SEMA3D: variants seen among roughly 807,000 people sequenced by gnomAD.
SEMA3D encodes the protein semaphorin 3D.
In SEMA3D, 84 loss-of-function variants were observed where a neutral mutation model predicts 100.1. The ratio of observed to expected loss-of-function variants is 0.84; its 90% confidence interval spans 0.70 to 1.01. The LOEUF is 1.01. Ranked by LOEUF, SEMA3D falls within the 50% of genes least tolerant of loss-of-function variation. The pLI, the probability that SEMA3D is intolerant of heterozygous loss-of-function variation, is 0.00. For missense variants in SEMA3D, 875 were observed against 934.1 expected, an observed-to-expected ratio of 0.94 and a Z score of 0.82; for synonymous variants, 312 against 320.7, an observed-to-expected ratio of 0.97 and a Z score of 0.29.
the SEMA3D span, among the ~76,000 whole-genome samples, chr7:85,204,558 G>C: frequency 6.6e-6 from 1 of 152,054 alleles, no homozygotes; most frequent in Non-Finnish European, 1.5e-5. Flanking sequence ...TTCAGTGTAG[G>C]ATGATGAGAA....
chr7:85,003,818 A>G (rs1170763394), intron 18 of SEMA3D, among the ~76,000 whole-genome samples: 1 of 152,100 alleles, frequency 6.6e-6, no homozygotes, highest in African/African-American at 2.4e-5. Context: ...ATTTTTTCAT[A>G]TTAAACTGAT....
chr7:85,119,187 C>T (rs1789336007), intron 3 of SEMA3D, among the ~76,000 whole-genome samples: 2 of 152,086 alleles, frequency 1.3e-5, no homozygotes, highest in Non-Finnish European at 2.9e-5. Flanking sequence ...TTAGTTTAAC[C>T]ATTGTGGAAG....
At chr7:85,155,043 A>G (rs2116500893) in intron 1 of SEMA3D, among the ~76,000 whole-genome samples, 1 of 152,228 alleles carries the variant, frequency 6.6e-6, no homozygotes, top group Non-Finnish European at 1.5e-5. Context: ...TTGCATTGCA[A>G]AGTTTTTTCA....
At chr7:85,038,273 A>T (rs1790759467) in intron 11 of SEMA3D, among the ~76,000 whole-genome samples, 1 of 152,212 alleles carries the variant, frequency 6.6e-6, no homozygotes, top group Admixed American at 6.5e-5. Flanking sequence ...AATTATTAAT[A>T]TTCTTGGAAT....
intron 4 of SEMA3D, among the ~76,000 whole-genome samples, chr7:85,085,273 T>G (rs1216783708): frequency 6.6e-6 from 1 of 152,186 alleles, no homozygotes; most frequent in Non-Finnish European, 1.5e-5. Context: ...TCTTTCATAT[T>G]AAGTAAATGA....
the SEMA3D span, among the ~76,000 whole-genome samples, chr7:85,231,094 GT>G: frequency 6.6e-6 from 1 of 152,046 alleles, no homozygotes; most frequent in African/African-American, 2.4e-5. Flanking sequence ...CAGTGTGACT[GT>G]TTTTTGTTTT....
At chr7:85,126,406 T>TC (rs1562828120) in intron 2 of SEMA3D, among the ~76,000 whole-genome samples, 253 of 124,494 alleles carry the variant, frequency 2.0e-3, no homozygotes, top group East Asian at 0.013. Context: ...GTGTGTGTCG[T>TC]GTGTGTGTGT....
rs375639332 is a variant in SEMA3D, at chr7:84,999,735, G to A, written c.2039C>T (p.Thr680Ile). The change falls in exon 19 of 19, where the codon ACT becomes ATT. Residue 680 changes from threonine to isoleucine, a missense_variant. Thr to Ile is a moderately conservative substitution (Grantham distance 89). Coordinates refer to ENST00000284136, the MANE Select transcript of SEMA3D (RefSeq NM_001384900.1). ...CTGTTCATTCTCAATGACATTCAAA[G>A]TCAGCTTCACTATGGTGTGGATGAA... ...HTFIHTIVKL[T>I]LNVIENEQME... 1.2e-6 allele frequency: 2 copies of A among 1,614,028 alleles called. No individual in the cohort carries two copies. Among genetic ancestry groups the A allele is most frequent in the Non-Finnish European group, 1.7e-6 (2 of 1,180,006 alleles).
At chr7:85,150,881 G>A (rs796662011) in intron 2 of SEMA3D, among the ~76,000 whole-genome samples, 37 of 152,016 alleles carry the variant, frequency 2.4e-4, no homozygotes, top group African/African-American at 8.2e-4. Flanking sequence ...GGTGAATGGT[G>A]AATGGTGTTA....
At chr7:85,206,145 T>C in the SEMA3D span, among the ~76,000 whole-genome samples, 54 of 152,236 alleles carry the variant, frequency 3.5e-4, 1 homozygote, top group African/African-American at 1.2e-3. Flanking sequence ...GTTAGGGGCA[T>C]AGCCTTCTTC....
chr7:85,001,688 T>C (rs1309260908), intron 18 of SEMA3D, among the ~76,000 whole-genome samples: 1 of 152,178 alleles, frequency 6.6e-6, no homozygotes, highest in African/African-American at 2.4e-5. Flanking sequence ...TCTATCAAGT[T>C]GGTGGCACAG....
chr7:85,234,791 C>T, the SEMA3D span, among the ~76,000 whole-genome samples: 1 of 152,100 alleles, frequency 6.6e-6, no homozygotes, highest in East Asian at 1.9e-4. Context: ...TAGTATTATT[C>T]ACTTTAATTA....
the SEMA3D span, among the ~76,000 whole-genome samples, chr7:85,247,223 T>A: frequency 6.6e-6 from 1 of 151,984 alleles, no homozygotes; most frequent in Admixed American, 6.6e-5. Context: ...ACAAGGTAAG[T>A]CTCACATTCA....
chr7:85,092,132 A>G (rs1169234352), intron 4 of SEMA3D, among the ~76,000 whole-genome samples: 1 of 152,112 alleles, frequency 6.6e-6, no homozygotes, highest in Non-Finnish European at 1.5e-5. Context: ...TTAACCAGTT[A>G]ACATTAATCC....
intron 4 of SEMA3D, among the ~76,000 whole-genome samples, chr7:85,087,161 G>A (rs892993092): frequency 3.3e-5 from 5 of 152,152 alleles, no homozygotes; most frequent in South Asian, 4.1e-4. Flanking sequence ...TGATGCAACC[G>A]TATTTGTCCT....
the SEMA3D span, among the ~76,000 whole-genome samples, chr7:85,225,069 TA>T: frequency 0.1 from 690 of 6,788 alleles, 56 homozygotes; most frequent in African/African-American, 0.27. Flanking sequence ...TATATATATA[TA>T]TATATATATA....
intron 1 of SEMA3D, among the ~76,000 whole-genome samples, chr7:85,186,438 G>A (rs1405718603): frequency 6.6e-6 from 1 of 152,138 alleles, no homozygotes; most frequent in East Asian, 1.9e-4. Flanking sequence ...AGGCGGGGTG[G>A]GACTGCGCCC....
intron 2 of SEMA3D, among the ~76,000 whole-genome samples, chr7:85,147,197 G>C (rs1166881140): frequency 1.4e-5 from 2 of 142,060 alleles, no homozygotes; most frequent in African/African-American, 5.3e-5. Context: ...CTGCCTCCCG[G>C]GTTCAAGTGT....
At chr7:85,194,496 G>A in the SEMA3D span, among the ~76,000 whole-genome samples, 5 of 81,420 alleles carry the variant, frequency 6.1e-5, no homozygotes, top group South Asian at 1.8e-3. Context: ...CTGTTGATAT[G>A]CAAACAGAAA....
Sources: allele counts gnomAD v4.1 joint callset (sites outside exome capture counted in the v4.1 genomes callset), GRCh38; gene constraint gnomAD v4.1.1; transcripts MANE v1.5; gene names NCBI Gene and HGNC (gene_info 2026-07-23, HGNC 2026-07-21).